Variants in SH3GL3 observed in about 807,000 individuals in gnomAD.
SH3GL3 encodes the protein SH3 domain containing GRB2 like 3, endophilin A3.
In SH3GL3, 33 loss-of-function variants were observed where a neutral mutation model predicts 47.7. The ratio of observed to expected loss-of-function variants is 0.69; its 90% CI spans 0.52 to 0.92. SH3GL3 has a LOEUF of 0.92. SH3GL3 is among the 40% of genes least tolerant of loss of function. The pLI is 0.00. For missense variants in SH3GL3, 363 were observed against 417.8 expected (o/e 0.87, Z 1.14); for synonymous variants, 155 against 148.8 (o/e 1.04, Z -0.30).
intron 8 of SH3GL3, among the ~76,000 whole-genome samples, chr15:83,596,684 G>C (rs1375482396): frequency 6.6e-6 from 1 of 152,122 alleles, no homozygotes; most frequent in Admixed American, 6.5e-5. Context: ...TGCTCAGGCT[G>C]GTCTCCAACT....
At chr15:83,501,975 GA>G (rs2042316415) in intron 1 of SH3GL3, among the ~76,000 whole-genome samples, 3 of 152,300 alleles carry the variant, frequency 2.0e-5, no homozygotes, top group Non-Finnish European at 4.4e-5. Flanking sequence ...TAACCCATTA[GA>G]AAAATAGGTG....
At position 83,578,035 on chromosome 15, in the gene SH3GL3, C is replaced by T. The variant is rs191772653; in HGVS notation, c.624+1294C>T. ...GCTGTTCCATAGTGGTGCTTGTGGG[C>T]TCGGGAATTGTGAAGGTCTCGGATC... On this transcript the variant is annotated intron_variant, in intron 6 of 8. Coordinates refer to ENST00000427482, the MANE Select transcript of SH3GL3 (RefSeq NM_003027.5). 2.6e-4 allele frequency among the ~76,000 whole-genome samples: 39 copies of T among 152,292 alleles called. No homozygotes were observed. The East Asian group carries it at 7.3e-3, about 29-fold the overall frequency.
intron 3 of SH3GL3, among the ~76,000 whole-genome samples, chr15:83,566,584 G>C (rs1596274099): frequency 6.6e-6 from 1 of 152,306 alleles, no homozygotes; most frequent in Admixed American, 6.5e-5. Context: ...AGACCAGCCT[G>C]GGCAATGTAG....
chr15:83,483,621 G>A (rs2041467902), intron 1 of SH3GL3, among the ~76,000 whole-genome samples: 1 of 152,122 alleles, frequency 6.6e-6, no homozygotes, highest in Non-Finnish European at 1.5e-5. Context: ...ATGCAGCAAG[G>A]GGAAATCTCT....
At chr15:83,531,859 TGA>T (rs138338504) in intron 1 of SH3GL3, among the ~76,000 whole-genome samples, 95 of 147,934 alleles carry the variant, frequency 6.4e-4, no homozygotes, top group Admixed American at 5.1e-3. Context: ...AGAGACAGAA[TGA>T]GAGAGAGAGA....
chr15:83,493,439 T>C (rs916905403), intron 1 of SH3GL3, among the ~76,000 whole-genome samples: 1 of 152,182 alleles, frequency 6.6e-6, no homozygotes, highest in Non-Finnish European at 1.5e-5. Flanking sequence ...GAGGCAAAAT[T>C]AAATGATCCT....
At chr15:83,490,259 T>C (rs2041818936) in intron 1 of SH3GL3, among the ~76,000 whole-genome samples, 1 of 150,856 alleles carries the variant, frequency 6.6e-6, no homozygotes, top group South Asian at 2.1e-4. Context: ...CCTTTAGTGA[T>C]TTTGCGTTTT....
intron 2 of SH3GL3, among the ~76,000 whole-genome samples, chr15:83,563,456 C>A (rs982879862): frequency 1.3e-5 from 2 of 152,286 alleles, no homozygotes; most frequent in South Asian, 2.1e-4. Flanking sequence ...CCCTTGATCT[C>A]CAAAAACGTA....
chr15:83,557,001 A>G (rs78105546), intron 1 of SH3GL3, among the ~76,000 whole-genome samples: 3,603 of 152,326 alleles, frequency 0.024, 122 homozygotes, highest in African/African-American at 0.081. Context: ...AGTGAGCAGA[A>G]GTATCTGTAG....
chr15:83,499,859 G>A (rs1382721286), intron 1 of SH3GL3, among the ~76,000 whole-genome samples: 2 of 152,222 alleles, frequency 1.3e-5, no homozygotes, highest in Admixed American at 1.3e-4. Context: ...CCTGGCCACA[G>A]AATGAGGAGA....
intron 1 of SH3GL3, among the ~76,000 whole-genome samples, chr15:83,484,304 G>A (rs1012194802): frequency 6.6e-6 from 1 of 152,094 alleles, no homozygotes; most frequent in Non-Finnish European, 1.5e-5. Context: ...ATTATTTATT[G>A]AGGAAATCGT....
In SH3GL3 at chr15:83,505,690, C is replaced by T. The variant is rs377232677; in HGVS notation, c.46-53563C>T. On this transcript the variant is annotated intron_variant, in intron 1 of 8. Transcript: ENST00000427482. ...TACAGGTGTGTGCCACCACACTCAG[C>T]TAATTTTTGTATTTTTTAGTGGAGA... Among the ~76,000 whole-genome samples, 7 of 152,140 alleles carry T rather than the reference C, an allele frequency of 4.6e-5. No homozygotes were observed. In the East Asian group the frequency reaches 1.2e-3, roughly 25 times the overall value.
chr15:83,594,871 A>C (rs1298281387), intron 8 of SH3GL3, among the ~76,000 whole-genome samples: 1 of 152,224 alleles, frequency 6.6e-6, no homozygotes, highest in Non-Finnish European at 1.5e-5. Context: ...GCAAGGCTGC[A>C]GAGTAATGAG....
intron 8 of SH3GL3, among the ~76,000 whole-genome samples, chr15:83,614,103 G>T (rs562031439): frequency 6.6e-5 from 10 of 152,122 alleles, no homozygotes; most frequent in Admixed American, 5.9e-4. Flanking sequence ...GTTGCCCTTG[G>T]TTTTCAGTGC....
chr15:83,559,513 T>C (rs563127957), intron 2 of SH3GL3, among the ~76,000 whole-genome samples, 192 bp downstream of exon 2: 1 of 152,244 alleles, frequency 6.6e-6, no homozygotes, highest in South Asian at 2.1e-4. Context: ...CCACATGCAG[T>C]TTGGGCAGGT....
chr15:83,624,890 G>T, the SH3GL3 span, among the ~76,000 whole-genome samples: 4 of 152,282 alleles, frequency 2.6e-5, no homozygotes, highest in South Asian at 6.2e-4. Context: ...ATTCAGGCCC[G>T]AAGTGTTCCT....
At chr15:83,599,301 C>T (rs1327765389) in intron 8 of SH3GL3, among the ~76,000 whole-genome samples, 3 of 152,074 alleles carry the variant, frequency 2.0e-5, no homozygotes, top group African/African-American at 7.2e-5. Flanking sequence ...ACCCATCAGC[C>T]GAGCAGTGTA....
chr15:83,484,011 A>T (rs2041485855), intron 1 of SH3GL3, among the ~76,000 whole-genome samples: 1 of 152,176 alleles, frequency 6.6e-6, no homozygotes, highest in Non-Finnish European at 1.5e-5. Context: ...TCAAGAGCCT[A>T]TTGTCATCTT....
the SH3GL3 span, among the ~76,000 whole-genome samples, chr15:83,631,268 A>G: frequency 6.6e-6 from 1 of 152,122 alleles, no homozygotes; most frequent in Non-Finnish European, 1.5e-5. Context: ...CACAGTTGGC[A>G]TTGAGTGTCT....
Sources: allele counts gnomAD v4.1 joint callset (sites outside exome capture counted in the v4.1 genomes callset), GRCh38; gene constraint gnomAD v4.1.1; transcripts MANE v1.5; gene names NCBI Gene and HGNC (gene_info 2026-07-23, HGNC 2026-07-21).